BRD9: variants seen among roughly 807,000 people sequenced by gnomAD.
BRD9 encodes bromodomain-containing protein 9.
A neutral mutation model predicts 68.7 loss-of-function variants in BRD9; 47 were observed. That is an observed-to-expected ratio of 0.68 (90% CI 0.54 to 0.87). The LOEUF (loss-of-function observed/expected upper bound fraction) is 0.87. Among genes scored for constraint, BRD9 ranks in the 40% least tolerant of loss-of-function variants. The probability of loss-of-function intolerance (pLI) is 0.00; values close to 1 mark genes in which losing one functional copy is unlikely to be tolerated. For missense variants in BRD9, 670 were observed against 748.4 expected (o/e 0.90, Z 1.22); for synonymous variants, 313 against 293.9 (o/e 1.06, Z -0.67).
At chr5:870,304 AT>A in intron 14 of BRD9, 168 bp downstream of exon 14, 1 of 602,364 alleles carries the variant, frequency 1.7e-6, no homozygotes, top group Non-Finnish European at 3.0e-6. Flanking sequence ...GATTCCAAGG[AT>A]TTTAGGAGCT....
At chr5:878,059 C>G (rs1380059298) in intron 11 of BRD9, among the ~76,000 whole-genome samples, 2 of 152,216 alleles carry the variant, frequency 1.3e-5, no homozygotes, top group Admixed American at 1.3e-4. Flanking sequence ...GCAGCCTGAG[C>G]TAGCACGGTC....
chr5:865,318 C>A (rs1340624006), intron 15 of BRD9, 96 bp downstream of exon 15: 2 of 1,430,984 alleles, frequency 1.4e-6, no homozygotes, highest in Non-Finnish European at 1.9e-6. Flanking sequence ...AGCCTCCAGC[C>A]TTCCCACAAC....
intron 10 of BRD9, chr5:879,400 GGGCC>G: frequency 5.3e-5 from 1 of 18,916 alleles, no homozygotes; most frequent in Non-Finnish European, 9.0e-5. Context: ...GTGGAGGGTG[GGGCC>G]ATGCAGGAGG....
At chr5:883,891 A>G in intron 8 of BRD9, 47 bp downstream of exon 8, 5 of 1,588,956 alleles carry the variant, frequency 3.1e-6, no homozygotes, top group Non-Finnish European at 4.3e-6. Flanking sequence ...GCACACAGAG[A>G]GTCTGGGGCC....
At chr5:868,430 G>C (rs1749666735) in intron 14 of BRD9, among the ~76,000 whole-genome samples, 1 of 152,264 alleles carries the variant, frequency 6.6e-6, no homozygotes, top group African/African-American at 2.4e-5. Context: ...CAGCTGCTGT[G>C]CAGAAAAGTG....
At chr5:891,045 G>C in intron 3 of BRD9, 110 bp downstream of exon 3, 1 of 1,351,234 alleles carries the variant, frequency 7.4e-7, no homozygotes, top group East Asian at 2.6e-5. Context: ...GGAAATACCA[G>C]CTCTCCTCCC....
intron 3 of BRD9, 195 bp from the exon 4 acceptor site, chr5:889,842 G>A: frequency 1.7e-6 from 2 of 1,188,674 alleles, no homozygotes; most frequent in South Asian, 2.6e-5. Context: ...CACCCCCACA[G>A]CAGGAGTCAT....
At chr5:886,276 G>C (rs72703150) in intron 7 of BRD9, among the ~76,000 whole-genome samples, 1 of 152,204 alleles carries the variant, frequency 6.6e-6, no homozygotes, top group Non-Finnish European at 1.5e-5. Context: ...CTTGGCTGCC[G>C]GCAGGCGCTG....
At chr5:871,593 T>G in intron 12 of BRD9, 29 bp from the exon 13 acceptor site, 1 of 1,605,624 alleles carries the variant, frequency 6.2e-7, no homozygotes, top group South Asian at 1.1e-5. Flanking sequence ...CAGAAACTAG[T>G]TTTTCCAGAG....
chr5:880,979 G>A (rs1015519125), intron 9 of BRD9, 128 bp downstream of exon 9: 50 of 931,708 alleles, frequency 5.4e-5, no homozygotes, highest in Admixed American at 1.8e-4. Context: ...GTGCGAGCAA[G>A]GTCGGGAAGC....
Position 889,172 on chromosome 5 carries a change from G to C in BRD9, c.462-7C>G, listed in dbSNP as rs202165584. The C allele has an allele frequency of 6.4e-5, 102 of 1,605,860 alleles. No homozygotes were observed. The highest frequency in any genetic ancestry group is 7.6e-5 in the Non-Finnish European group (90 of 1,178,152). ...AAATCCATGGGGATCTTTTCTGAAA[G>C]CAAAGACATCTTAAAGCGGAAAAAT... On this transcript the variant is annotated splice_region_variant and splice_polypyrimidine_tract_variant and intron_variant, in intron 4 of 15. Coordinates refer to ENST00000467963, the MANE Select transcript of BRD9 (RefSeq NM_023924.5).
intron 14 of BRD9, among the ~76,000 whole-genome samples, chr5:867,381 C>T (rs1579898846): frequency 6.6e-6 from 1 of 152,222 alleles, no homozygotes; most frequent in East Asian, 1.9e-4. Context: ...ACACAGAGTA[C>T]CCACTGGGGC....
intron 8 of BRD9, 80 bp from the exon 9 acceptor site, chr5:881,262 G>T: frequency 7.5e-7 from 1 of 1,333,978 alleles, no homozygotes; most frequent in Non-Finnish European, 1.1e-6. Flanking sequence ...AACAAGCAGG[G>T]CTTAATGGGG....
chr5:871,682 C>A, intron 12 of BRD9, 118 bp from the exon 13 acceptor site: 1 of 918,860 alleles, frequency 1.1e-6, no homozygotes, highest in East Asian at 2.4e-5. Context: ...ATTCTGCTCC[C>A]CAGTCACACC....
intron 14 of BRD9, among the ~76,000 whole-genome samples, chr5:869,694 C>A (rs1749858691): frequency 1.3e-5 from 2 of 152,340 alleles, no homozygotes; most frequent in South Asian, 4.1e-4. Context: ...ACATTTCTTT[C>A]TGACTTCAGC....
At chr5:886,786 G>C (rs753998921) in intron 6 of BRD9, 79 bp from the exon 7 acceptor site, 2 of 1,605,374 alleles carry the variant, frequency 1.2e-6, no homozygotes, top group South Asian at 1.1e-5. Flanking sequence ...AGAAAGGACA[G>C]AGCAGCAGGG....
chr5:887,587 C>T (rs1752752146), intron 5 of BRD9, 116 bp from the exon 6 acceptor site: 1 of 783,682 alleles, frequency 1.3e-6, no homozygotes, highest in Non-Finnish European at 2.2e-6. Flanking sequence ...GAAAACAATT[C>T]AACTGGGCTC....
chr5:892,152 C>T (rs1753525490), intron 1 of BRD9: 1 of 443,934 alleles, frequency 2.3e-6, no homozygotes, highest in African/African-American at 2.0e-5. Flanking sequence ...GGACCTGGAA[C>T]CCCGGAGCCC....
chr5:872,124 T>C (rs1750230790), intron 12 of BRD9, among the ~76,000 whole-genome samples: 2 of 152,146 alleles, frequency 1.3e-5, no homozygotes, highest in South Asian at 2.1e-4. Context: ...CCGTGCATTG[T>C]CTCCTTCCAC....
Sources: allele counts gnomAD v4.1 joint callset (sites outside exome capture counted in the v4.1 genomes callset), GRCh38; gene constraint gnomAD v4.1.1; transcripts MANE v1.5; gene names NCBI Gene and HGNC (gene_info 2026-07-23, HGNC 2026-07-21).